MAST4: variants seen among roughly 807,000 people sequenced by gnomAD.
MAST4 encodes the protein microtubule associated serine/threonine kinase family member 4.
In MAST4, 89 loss-of-function variants were observed where a neutral mutation model predicts 162.7. The ratio of observed to expected loss-of-function variants is 0.55; its 90% CI spans 0.46 to 0.65. MAST4 has a LOEUF of 0.65. Ranked by LOEUF, MAST4 falls within the 30% of genes least tolerant of loss-of-function variation. The probability of loss-of-function intolerance (pLI) is 0.00; values close to 1 mark genes in which losing one functional copy is unlikely to be tolerated. For synonymous variants in MAST4, 1,479 were observed against 1,361.1 expected (o/e 1.09, Z -1.91); for missense variants, 3,153 against 3,374.0 (o/e 0.93, Z 1.62).
intron 1 of MAST4, among the ~76,000 whole-genome samples, chr5:66,624,078 TGAA>T (rs1744251012): frequency 6.7e-6 from 1 of 150,348 alleles, no homozygotes; most frequent in African/African-American, 2.4e-5. Flanking sequence ...AAAATATTGA[TGAA>T]GGAAATTTAA....
chr5:66,739,399 C>T (rs1335334684), intron 1 of MAST4, among the ~76,000 whole-genome samples: 4 of 152,148 alleles, frequency 2.6e-5, no homozygotes, highest in Non-Finnish European at 5.9e-5. Flanking sequence ...ATGAGTAACA[C>T]TGGTTTGCCT....
intron 1 of MAST4, among the ~76,000 whole-genome samples, chr5:66,620,734 C>A (rs1362728552): frequency 6.6e-6 from 1 of 151,250 alleles, no homozygotes; most frequent in East Asian, 1.9e-4. Context: ...GTCTATCTCT[C>A]TTTTCTCCAC....
chr5:66,687,479 T>TATAC (rs957564883), intron 1 of MAST4, among the ~76,000 whole-genome samples: 3 of 152,042 alleles, frequency 2.0e-5, no homozygotes, highest in Non-Finnish European at 4.4e-5. Context: ...TGTATATATG[T>TATAC]ATACATACAT....
At chr5:66,959,305 T>C (rs1476189343) in intron 4 of MAST4, 2 of 779,698 alleles carry the variant, frequency 2.6e-6, no homozygotes, top group East Asian at 2.4e-5. Flanking sequence ...GTAAGTATTG[T>C]CTGTCTTTAA....
At chr5:66,834,251 C>A (rs1757802409) in intron 3 of MAST4, among the ~76,000 whole-genome samples, 1 of 152,124 alleles carries the variant, frequency 6.6e-6, no homozygotes, top group African/African-American at 2.4e-5. Flanking sequence ...CTAGAAGTGA[C>A]AGGGAGCCAT....
intron 3 of MAST4, among the ~76,000 whole-genome samples, chr5:66,834,293 G>T (rs1757804755): frequency 6.6e-6 from 1 of 152,140 alleles, no homozygotes; most frequent in African/African-American, 2.4e-5. Flanking sequence ...GGTGAGAGAG[G>T]GAACAGTTAT....
At chr5:66,655,374 A>G (rs190113778) in intron 1 of MAST4, among the ~76,000 whole-genome samples, 1 of 152,374 alleles carries the variant, frequency 6.6e-6, no homozygotes, top group Non-Finnish European at 1.5e-5. Flanking sequence ...AGCTGGAACC[A>G]GAACCCAGAT....
At chr5:66,858,428 A>C (rs1759845374) in intron 3 of MAST4, among the ~76,000 whole-genome samples, 1 of 152,054 alleles carries the variant, frequency 6.6e-6, no homozygotes, top group Non-Finnish European at 1.5e-5. Context: ...GTGGTGTATC[A>C]TTTACTTAGT....
At chr5:66,796,542 C>T (rs1755656809) in intron 3 of MAST4, among the ~76,000 whole-genome samples, 1 of 152,156 alleles carries the variant, frequency 6.6e-6, no homozygotes, top group African/African-American at 2.4e-5. Context: ...TCAAGTGTGA[C>T]TTCCTGTTAT....
At chr5:66,720,190 A>T (rs1387864593) in intron 1 of MAST4, among the ~76,000 whole-genome samples, 1 of 152,150 alleles carries the variant, frequency 6.6e-6, no homozygotes, top group East Asian at 1.9e-4. Flanking sequence ...TTTAAATGGA[A>T]TGTTGGTATT....
At chr5:66,905,742 C>A (rs552308301) in intron 4 of MAST4, among the ~76,000 whole-genome samples, 3 of 152,232 alleles carry the variant, frequency 2.0e-5, no homozygotes, top group Non-Finnish European at 4.4e-5. Flanking sequence ...GGTGCGATAG[C>A]TGGGTGGGTG....
At chr5:66,699,084 C>T (rs1749597357) in intron 1 of MAST4, among the ~76,000 whole-genome samples, 1 of 152,174 alleles carries the variant, frequency 6.6e-6, no homozygotes, top group Non-Finnish European at 1.5e-5. Context: ...ACCTCCAGGC[C>T]CTATGTGATC....
At chr5:66,687,728 T>G (rs1748784170) in intron 1 of MAST4, among the ~76,000 whole-genome samples, 1 of 152,124 alleles carries the variant, frequency 6.6e-6, no homozygotes, top group Non-Finnish European at 1.5e-5. Flanking sequence ...ATACTTTGGT[T>G]GAATCCATGG....
chr5:66,819,385 T>C (rs1200264840), intron 3 of MAST4, among the ~76,000 whole-genome samples: 1 of 152,124 alleles, frequency 6.6e-6, no homozygotes, highest in Non-Finnish European at 1.5e-5. Flanking sequence ...AAGATCAGAG[T>C]GAAGCTTGTG....
chr5:67,129,195 A>G (rs1414793175), intron 14 of MAST4, among the ~76,000 whole-genome samples: 2 of 152,164 alleles, frequency 1.3e-5, no homozygotes, highest in Non-Finnish European at 2.9e-5. Context: ...GCCCGCTCTT[A>G]TGCTGGGACA....
chr5:66,773,595 G>T (rs1288974888), intron 2 of MAST4, among the ~76,000 whole-genome samples: 2 of 152,162 alleles, frequency 1.3e-5, no homozygotes, highest in East Asian at 3.9e-4. Context: ...TTTAGAAGTA[G>T]GGCCTTTAAG....
At chr5:66,605,011 G>A (rs1471762580) in intron 1 of MAST4, among the ~76,000 whole-genome samples, 1 of 152,210 alleles carries the variant, frequency 6.6e-6, no homozygotes, top group African/African-American at 2.4e-5. Context: ...ATGGAATGAA[G>A]TTGTGATGAA....
At chr5:66,819,719 A>G (rs1306760483) in intron 3 of MAST4, among the ~76,000 whole-genome samples, 1 of 149,194 alleles carries the variant, frequency 6.7e-6, no homozygotes, top group Non-Finnish European at 1.5e-5. Context: ...TTGGGGGGGA[A>G]GTTTGGCTAG....
At chr5:67,035,816 A>T (rs1001215135) in intron 4 of MAST4, among the ~76,000 whole-genome samples, 2 of 152,172 alleles carry the variant, frequency 1.3e-5, no homozygotes, top group African/African-American at 2.4e-5. Context: ...TGTTACTCAC[A>T]TGGTTAGCTA....
Sources: allele counts gnomAD v4.1 joint callset (sites outside exome capture counted in the v4.1 genomes callset), GRCh38; gene constraint gnomAD v4.1.1; transcripts MANE v1.5; gene names NCBI Gene and HGNC (gene_info 2026-07-23, HGNC 2026-07-21).